Variants in CUL1 observed in about 807,000 individuals in gnomAD.
CUL1 encodes cullin 1, also known as cullin-1.
In CUL1, 24 loss-of-function variants were observed where a neutral mutation model predicts 118.0. That is an observed-to-expected ratio of 0.20 (90% CI 0.15 to 0.29). The LOEUF (loss-of-function observed/expected upper bound fraction) is 0.29. Ranked by LOEUF, CUL1 falls within the 10% of genes least tolerant of loss-of-function variation. CUL1 has a pLI of 1.00. For missense variants in CUL1, 361 were observed against 933.8 expected (o/e 0.39, Z 7.99); for synonymous variants, 332 against 340.4 (o/e 0.98, Z 0.27).
chr7:148,724,743 G>A (rs549123622), intron 1 of CUL1, among the ~76,000 whole-genome samples: 2 of 152,336 alleles, frequency 1.3e-5, no homozygotes, highest in South Asian at 2.1e-4. Context: ...CCCGAAACGC[G>A]TGGACATTCA....
intron 12 of CUL1, 43 bp from the exon 13 acceptor site, chr7:148,786,944 TTG>T: frequency 6.3e-7 from 1 of 1,591,242 alleles, no homozygotes. Flanking sequence ...CACTGTTGGC[TTG>T]TGTGTGTGCT....
chr7:148,735,216 G>A (rs1798899106), intron 2 of CUL1, among the ~76,000 whole-genome samples: 1 of 152,228 alleles, frequency 6.6e-6, no homozygotes, highest in Non-Finnish European at 1.5e-5. Context: ...TTAGTGATAA[G>A]GTTCGTGATT....
chr7:148,757,456 AGT>A (rs1447878707), intron 4 of CUL1, among the ~76,000 whole-genome samples: 1 of 152,176 alleles, frequency 6.6e-6, no homozygotes, highest in Non-Finnish European at 1.5e-5. Context: ...TCGCACTGAA[AGT>A]CCTGAGTCCT....
At chr7:148,719,079 A>G (rs1170063974) in intron 1 of CUL1, among the ~76,000 whole-genome samples, 1 of 152,146 alleles carries the variant, frequency 6.6e-6, no homozygotes, top group Non-Finnish European at 1.5e-5. Context: ...TGGGAGGCCG[A>G]GGCGGGCGGA....
In CUL1 at chr7:148,789,740, C is replaced by T. The variant is rs756724161; in HGVS notation, c.1598-10C>T. ...AGAATGTTCACTCTCCCCTCTCTTC[C>T]GTCCCACAGTGGATTTCAGCATTCA... On this transcript the variant is annotated splice_polypyrimidine_tract_variant and intron_variant, in intron 14 of 21. Coordinates refer to ENST00000325222, the MANE Select transcript of CUL1 (RefSeq NM_003592.3). 8.1e-6 allele frequency: 13 copies of T among 1,612,638 alleles called. No individual in the cohort carries two copies. Among genetic ancestry groups the T allele is most frequent in the Admixed American group, 6.7e-5 (4 of 59,996 alleles).
chr7:148,797,395 C>CAAAAAA (rs5888340), intron 17 of CUL1, among the ~76,000 whole-genome samples: 3 of 120,466 alleles, frequency 2.5e-5, no homozygotes, highest in African/African-American at 6.3e-5. Context: ...ACATGATGCT[C>CAAAAAA]AAAAAAAAAA....
At position 148,750,354 on chromosome 7, in the gene CUL1, GTTTGTTACATAGGTATACATGTGTCAT is replaced by G. The variant is rs1799447802; in HGVS notation, c.141-3621_141-3595del. 2.6e-5 allele frequency among the ~76,000 whole-genome samples: 4 copies of G among 151,054 alleles called. 1 individual carries two copies. Among genetic ancestry groups the G allele is most frequent in the Admixed American group, 2.6e-4 (4 of 15,132 alleles). ...TAGGGTACATATGCACAATGTGCAG[GTTTGTTACATAGGTATACATGTGTCAT>G]GTTGGTTTGCTGCACCCATTAACTC... On this transcript the variant is annotated intron_variant, in intron 2 of 21. Coordinates refer to ENST00000325222, the MANE Select transcript of CUL1 (RefSeq NM_003592.3).
chr7:148,734,904 A>G (rs1798889624), intron 2 of CUL1, among the ~76,000 whole-genome samples: 1 of 151,974 alleles, frequency 6.6e-6, no homozygotes, highest in Non-Finnish European at 1.5e-5. Context: ...TTAAACTTTC[A>G]TGTTGATGTC....
rs1481099539 is a variant in CUL1 at position 148,790,357 on chromosome 7, C to T, written c.1722C>T (p.His574=). 2.5e-6 allele frequency: 4 copies of T among 1,614,118 alleles called. No homozygotes were observed. The highest frequency in any genetic ancestry group is 3.4e-6 in the Non-Finnish European group (4 of 1,179,968). Reference sequence around the variant, plus strand: ...TCACAGCTTTCTACGCCAGCCGCCACAGTGGCCGAAAATTGACGTGGTTAT... The same window carrying T: ...TCACAGCTTTCTACGCCAGCCGCCATAGTGGCCGAAAATTGACGTGGTTAT... The part of the protein sequence containing the change: ...QRFTAFYASR[H]SGRKLTWLYQ... Residue 574 remains histidine, a synonymous_variant, in exon 16 of 22, where the codon CAC becomes CAT. Transcript: ENST00000325222.
chr7:148,786,071 G>A (rs956224442), intron 11 of CUL1, among the ~76,000 whole-genome samples: 4 of 152,158 alleles, frequency 2.6e-5, no homozygotes, highest in Admixed American at 1.3e-4. Flanking sequence ...GTTGTTAAAG[G>A]ACAATCATCT....
chr7:148,743,168 G>A (rs1799199446), intron 2 of CUL1, among the ~76,000 whole-genome samples: 1 of 152,100 alleles, frequency 6.6e-6, no homozygotes. Flanking sequence ...GTATTGAAAC[G>A]TGTTCAGTGG....
In CUL1 at chr7:148,719,882, TG is replaced by T. The variant is rs1227201125; in HGVS notation, c.-161-10078del. The stretch of plus-strand genomic sequence containing the variant: ...TAATGTCAAATGCAGGAGTAACTCT[TG>T]GTAGCACACTTCTTAAGGAGGTGGA... On this transcript the variant is annotated intron_variant, in intron 1 of 21. Transcript: ENST00000325222. 5.9e-5 allele frequency among the ~76,000 whole-genome samples: 9 copies of T among 152,330 alleles called. 1 individual carries two copies. In the East Asian group the frequency reaches 1.7e-3, roughly 29 times the overall value.
chr7:148,798,341 G>A (rs1179658520), intron 19 of CUL1, among the ~76,000 whole-genome samples: 1 of 152,108 alleles, frequency 6.6e-6, no homozygotes, highest in African/African-American at 2.4e-5. Flanking sequence ...TAGGGACCTG[G>A]ATTTTCTGTA....
chr7:148,763,265 A>G (rs1296482314), intron 7 of CUL1, among the ~76,000 whole-genome samples: 1 of 152,218 alleles, frequency 6.6e-6, no homozygotes, highest in East Asian at 1.9e-4. Flanking sequence ...TCAAGGAAGC[A>G]GTGTGCTTCC....
intron 7 of CUL1, among the ~76,000 whole-genome samples, chr7:148,762,575 T>C (rs1799867397): frequency 1.3e-5 from 2 of 152,384 alleles, no homozygotes; most frequent in African/African-American, 4.8e-5. Flanking sequence ...TTGCCTGTTA[T>C]TTCATTGTTT....
chr7:148,704,942 T>G (rs919799582), intron 1 of CUL1, among the ~76,000 whole-genome samples: 32 of 152,252 alleles, frequency 2.1e-4, no homozygotes, highest in African/African-American at 6.5e-4. Context: ...ACATTTCTGC[T>G]TAGTTTAATG....
chr7:148,799,418 C>G, intron 21 of CUL1, 30 bp downstream of exon 21: 4 of 1,409,740 alleles, frequency 2.8e-6, no homozygotes, highest in Non-Finnish European at 4.0e-6. Flanking sequence ...AGTCACATTC[C>G]TTTCTTAATT....
At chr7:148,751,840 C>T (rs769160889) in intron 2 of CUL1, among the ~76,000 whole-genome samples, 6 of 152,144 alleles carry the variant, frequency 3.9e-5, no homozygotes, top group Non-Finnish European at 7.3e-5. Flanking sequence ...CATGGCCAGA[C>T]GCGGTGGCTC....
intron 4 of CUL1, among the ~76,000 whole-genome samples, chr7:148,758,216 CT>C (rs1335137801): frequency 6.6e-6 from 1 of 151,642 alleles, no homozygotes; most frequent in Non-Finnish European, 1.5e-5. Context: ...TCAGAACAGT[CT>C]GTTCATAGGC....
Sources: gnomAD v4.1 joint callset for allele counts (sites outside exome capture counted in the v4.1 genomes callset) on GRCh38, gnomAD v4.1.1 for gene constraint, MANE v1.5 for transcripts, NCBI Gene and HGNC (gene_info 2026-07-23, HGNC 2026-07-21) for gene names.